CLIP4: variants seen among roughly 807,000 people sequenced by gnomAD.
CLIP4 encodes the protein CAP-Gly domain-containing linker protein 4.
CLIP4 carries 47 observed loss-of-function variants against 73.1 expected under a neutral mutation model. The observed-to-expected ratio is 0.64, with a 90% confidence interval of 0.51 to 0.82. CLIP4 has a LOEUF of 0.82. Among genes scored for constraint, CLIP4 ranks in the 40% least tolerant of loss-of-function variants. The probability of loss-of-function intolerance (pLI) is 0.00; values close to 1 mark genes in which losing one functional copy is unlikely to be tolerated. For missense variants in CLIP4, 874 were observed against 852.9 expected, an observed-to-expected ratio of 1.02 and a Z score of -0.31; for synonymous variants, 306 against 295.4, an observed-to-expected ratio of 1.04 and a Z score of -0.37.
intron 2 of CLIP4, among the ~76,000 whole-genome samples, chr2:29,122,240 C>CTTTTTTT (rs11359647): frequency 7.4e-6 from 1 of 135,274 alleles, no homozygotes. Flanking sequence ...CTCCAAGTTT[C>CTTTTTTT]TTTTTTTTTT....
At chr2:29,173,675 A>G (rs1368245791) in intron 14 of CLIP4, among the ~76,000 whole-genome samples, 1 of 152,202 alleles carries the variant, frequency 6.6e-6, no homozygotes, top group African/African-American at 2.4e-5. Context: ...TGTGTCAATC[A>G]AAAGATTCAT....
At chr2:29,135,804 AG>A (rs1665310799) in intron 6 of CLIP4, 138 bp downstream of exon 6, 1 of 578,514 alleles carries the variant, frequency 1.7e-6, no homozygotes, top group African/African-American at 2.0e-5. Flanking sequence ...CCACATGTAA[AG>A]AGTGATGATG....
At chr2:29,109,492 T>A (rs1668326606) in intron 1 of CLIP4, among the ~76,000 whole-genome samples, 1 of 152,202 alleles carries the variant, frequency 6.6e-6, no homozygotes, top group Non-Finnish European at 1.5e-5. Flanking sequence ...ATCTCAAACA[T>A]TTGTTTCTTT....
chr2:29,148,924 C>A (rs1227266076), intron 8 of CLIP4, among the ~76,000 whole-genome samples: 1 of 152,186 alleles, frequency 6.6e-6, no homozygotes, highest in Admixed American at 6.5e-5. Context: ...ATGTTGATTT[C>A]TCCCCTCAAA....
intron 13 of CLIP4, among the ~76,000 whole-genome samples, chr2:29,166,121 G>A (rs564451602): frequency 4.6e-5 from 7 of 152,102 alleles, no homozygotes; most frequent in South Asian, 2.1e-4. Flanking sequence ...TTCTATAAGC[G>A]AATAAAACAG....
rs3100232 is a variant in CLIP4, at chr2:29,133,803, A to G, written c.516A>G (p.Thr172=). ...AACTTATAAGAGTGATTTTGAAAAC[A>G]TCGAAACCAAAAGGCAAGTATTATA... is the stretch of plus-strand genomic sequence containing the variant. The part of the protein sequence containing the change: ...VPELIRVILK[T]SKPKDVDATC... The change falls in exon 5 of 16, where the codon ACA becomes ACG. Residue 172 remains threonine, a synonymous_variant. Coordinates refer to ENST00000320081, the MANE Select transcript of CLIP4 (RefSeq NM_024692.6). 626,009 of 1,603,032 alleles carry G rather than the reference A, an allele frequency of 0.39. 126,553 individuals carry two copies. The highest frequency in any genetic ancestry group is 0.62 in the African/African-American group (45,853 of 74,462).
upstream of CLIP4, among the ~76,000 whole-genome samples, chr2:29,113,542 G>C (rs1450870746): frequency 6.6e-6 from 1 of 152,140 alleles, no homozygotes; most frequent in Non-Finnish European, 1.5e-5. The surrounding 1 kb of genome is among the most constrained non-coding windows in gnomAD (Gnocchi z 4.0). Context: ...TCAGATTTTT[G>C]AACAAAGGCA....
At position 29,174,464 on chromosome 2, in the gene CLIP4, T is replaced by C; in HGVS notation, c.1796+19T>C. ...TTTCCAAGTGAGTATTAAGAAGATT[T>C]AGAAAAACACCTTTCAAGATGAACA... On this transcript the variant is annotated intron_variant, in intron 15 of 15. Transcript: ENST00000320081. 6.2e-7 allele frequency: 1 copy of C among 1,604,556 alleles called. No individual in the cohort carries two copies. The highest frequency in any genetic ancestry group is 8.5e-7 in the Non-Finnish European group (1 of 1,177,850).
intron 10 of CLIP4, 98 bp from the exon 11 acceptor site, chr2:29,157,106 A>T (rs1666975860): frequency 1.0e-6 from 1 of 985,996 alleles, no homozygotes. Context: ...ATAATTGAGG[A>T]AGTTAAATGA....
At chr2:29,131,893 G>A (rs1664996306) in intron 3 of CLIP4, 1 of 426,514 alleles carries the variant, frequency 2.3e-6, no homozygotes, top group African/African-American at 2.1e-5. Flanking sequence ...TCATTTTTGA[G>A]AGGAACATAT....
chr2:29,160,445 T>C lies in CLIP4; in HGVS notation c.1512T>C (p.Phe504=), dbSNP rs1418385925. ...AGAGACTGGGCACCATTAGGTTCTT[T>C]GGGACAACAAACTTCGCTCCAGGTA... ...VGQRLGTIRF[F]GTTNFAPGYW... Residue 504 remains phenylalanine (F), a synonymous_variant, in exon 12 of 16, where the codon TTT becomes TTC. Transcript: ENST00000320081. 6.2e-7 allele frequency: 1 copy of C among 1,614,054 alleles called. No individual in the cohort carries two copies. The highest frequency in any genetic ancestry group is 1.3e-5 in the African/African-American group (1 of 74,930).
chr2:29,144,865 C>G (rs990364381), intron 7 of CLIP4, among the ~76,000 whole-genome samples: 2 of 138,152 alleles, frequency 1.4e-5, no homozygotes, highest in African/African-American at 5.6e-5. Context: ...TGCAGTGGCA[C>G]AGTCATAGGT....
chr2:29,144,708 C>G (rs1558545594), intron 7 of CLIP4, among the ~76,000 whole-genome samples: 1 of 148,758 alleles, frequency 6.7e-6, no homozygotes, highest in Non-Finnish European at 1.5e-5. Flanking sequence ...TCAGTTTTTT[C>G]TTAATATTGA....
rs920673761 is a variant in CLIP4, at chr2:29,143,835, T to C, written c.775T>C (p.Cys259Arg). The change falls in exon 7 of 16, where the codon TGT becomes CGT. Residue 259 changes from cysteine to arginine, a missense_variant. Coordinates refer to ENST00000320081, the MANE Select transcript of CLIP4 (RefSeq NM_024692.6). ...QMLLDAVPLSCNISKAMLPNY... is the reference protein window; with the variant it reads ...QMLLDAVPLSRNISKAMLPNY... The stretch of plus-strand genomic sequence containing the variant: ...GCTTCTAGATGCGGTGCCTCTGTCA[T>C]GTAACATCTCAAAGGCCATGCTCCC... The C allele has an allele frequency of 2.5e-6, 4 of 1,614,048 alleles. No individual in the cohort carries two copies. Among genetic ancestry groups the C allele is most frequent in the African/African-American group, 1.3e-5 (1 of 74,934 alleles).
chr2:29,154,725 T>A (rs1200956827), intron 9 of CLIP4, among the ~76,000 whole-genome samples: 3 of 152,218 alleles, frequency 2.0e-5, no homozygotes, highest in Admixed American at 2.0e-4. Context: ...TATGCATGGA[T>A]CTGACCAAAG....
intron 6 of CLIP4, among the ~76,000 whole-genome samples, chr2:29,140,807 G>A (rs1558539971): frequency 1.3e-5 from 2 of 152,278 alleles, no homozygotes; most frequent in South Asian, 4.1e-4. Context: ...TTGTGGTTTT[G>A]ATTTGCATTT....
intron 14 of CLIP4, 130 bp downstream of exon 14, chr2:29,167,670 A>G (rs1667715424): frequency 1.7e-6 from 1 of 591,196 alleles, no homozygotes; most frequent in Non-Finnish European, 2.8e-6. Context: ...TAATAATAGA[A>G]CAAACATCTG....
chr2:29,118,111 A>G (rs1460311489), intron 1 of CLIP4: 1 of 152,216 alleles, frequency 6.6e-6, no homozygotes, highest in Non-Finnish European at 1.5e-5. Flanking sequence ...ATAACAAAGT[A>G]TTACAGGAAA....
At chr2:29,158,821 G>A (rs1667105982) in intron 11 of CLIP4, among the ~76,000 whole-genome samples, 1 of 152,080 alleles carries the variant, frequency 6.6e-6, no homozygotes, top group Non-Finnish European at 1.5e-5. Context: ...CCCAGGCTGG[G>A]GTGCAGTGTT....
Sources: allele counts gnomAD v4.1 joint callset (sites outside exome capture counted in the v4.1 genomes callset), GRCh38; gene constraint gnomAD v4.1.1; non-coding constraint Gnocchi (gnomAD v3.1); transcripts MANE v1.5; gene names NCBI Gene and HGNC (gene_info 2026-07-23, HGNC 2026-07-21).